Variants in SYT1 observed in about 807,000 individuals in gnomAD.
The protein encoded by SYT1 is synaptotagmin 1.
SYT1 carries 8 observed loss-of-function variants against 44.8 expected under a neutral mutation model. The ratio of observed to expected loss-of-function variants is 0.18; its 90% CI spans 0.10 to 0.32. SYT1 has a LOEUF of 0.32. Ranked by LOEUF, SYT1 falls within the 10% of genes least tolerant of loss-of-function variation. SYT1 has a pLI of 1.00. For missense variants in SYT1, 286 were observed against 509.3 expected (o/e 0.56, Z 4.22); for synonymous variants, 154 against 188.8 (o/e 0.82, Z 1.51).
chr12:79,410,506 C>CAAAAAAAAA (rs5799432), intron 9 of SYT1, among the ~76,000 whole-genome samples: 27 of 75,914 alleles, frequency 3.6e-4, no homozygotes, highest in African/African-American at 4.5e-4. Flanking sequence ...TGTTCAAAGT[C>CAAAAAAAAA]AAAAAAAAAA....
chr12:79,205,536 ATACGTTTTTAGT>A lies in SYT1; in HGVS notation c.-17-11963_-17-11952del, dbSNP rs1874071743. Among the ~76,000 whole-genome samples the A allele has an allele frequency of 3.3e-5, 5 of 152,332 alleles. No homozygotes were observed. The South Asian group carries it at 1.0e-3, about 32-fold the overall frequency. On this transcript the variant is annotated intron_variant, in intron 3 of 10. Transcript: ENST00000261205. ...GTTAAACTTGTGAATTCATTAATGAATACGTTTTTAGTTACAATTCTGATGTACCATATTTTT... is the reference window on the plus strand; with the variant it reads ...GTTAAACTTGTGAATTCATTAATGAATACAATTCTGATGTACCATATTTTT...
At chr12:79,429,175 T>C (rs971498327) in intron 9 of SYT1, among the ~76,000 whole-genome samples, 12 of 152,132 alleles carry the variant, frequency 7.9e-5, no homozygotes, top group African/African-American at 2.9e-4. Context: ...GGGACAAATA[T>C]CCAAACTATA....
chr12:78,887,609 A>G (rs1874820918), intron 1 of SYT1, among the ~76,000 whole-genome samples: 1 of 151,970 alleles, frequency 6.6e-6, no homozygotes. Context: ...GAGCTGGAAC[A>G]TATCCCCTAC....
chr12:79,056,210 A>G (rs1592707784), intron 3 of SYT1, among the ~76,000 whole-genome samples: 2 of 152,084 alleles, frequency 1.3e-5, no homozygotes, highest in Non-Finnish European at 2.9e-5. Context: ...AACTGTATAT[A>G]GAAGTCTAGA....
chr12:79,028,548 AG>A (rs1399447527), intron 2 of SYT1, among the ~76,000 whole-genome samples: 1 of 151,334 alleles, frequency 6.6e-6, no homozygotes, highest in African/African-American at 2.4e-5. Flanking sequence ...CAGGGCACTT[AG>A]CACTATATAG....
At chr12:79,432,300 T>C (rs1434668644) in intron 9 of SYT1, among the ~76,000 whole-genome samples, 2 of 151,950 alleles carry the variant, frequency 1.3e-5, no homozygotes, top group African/African-American at 2.4e-5. Context: ...GCCATGTTGG[T>C]TTGCTGCACC....
At chr12:79,047,630 A>G (rs1420721854) in intron 3 of SYT1, among the ~76,000 whole-genome samples, 1 of 151,898 alleles carries the variant, frequency 6.6e-6, no homozygotes, top group Non-Finnish European at 1.5e-5. Flanking sequence ...CTAGCATAGT[A>G]TCATCTTAAA....
At chr12:79,378,949 A>C (rs1884110174) in intron 9 of SYT1, among the ~76,000 whole-genome samples, 1 of 152,208 alleles carries the variant, frequency 6.6e-6, no homozygotes, top group Admixed American at 6.5e-5. Flanking sequence ...GACTTCCAAA[A>C]TCGATAGAAA....
chr12:79,059,064 G>T (rs1008109287), intron 3 of SYT1, among the ~76,000 whole-genome samples: 30 of 152,052 alleles, frequency 2.0e-4, no homozygotes, highest in African/African-American at 7.0e-4. Flanking sequence ...TCACAATCAT[G>T]CCAGAAGGTG....
At chr12:79,125,345 A>T (rs530309636) in intron 3 of SYT1, among the ~76,000 whole-genome samples, 63 of 152,042 alleles carry the variant, frequency 4.1e-4, no homozygotes, top group Non-Finnish European at 7.6e-4. Flanking sequence ...GCGCAGTAGC[A>T]CGTGCCTATA....
intron 1 of SYT1, among the ~76,000 whole-genome samples, chr12:78,896,051 T>C (rs111606984): frequency 0.011 from 1,603 of 151,902 alleles, 27 homozygotes; most frequent in African/African-American, 0.037. Context: ...CTTGGATCAA[T>C]TTCTGGCATA....
At position 79,383,528 on chromosome 12, in the gene SYT1, T is replaced by G. The variant is rs891502464; in HGVS notation, c.928+29909T>G. Among the ~76,000 whole-genome samples, 3 of 149,404 alleles carry G rather than the reference T, an allele frequency of 2.0e-5. No homozygotes were observed. In the Admixed American group the frequency reaches 2.0e-4, roughly 10 times the overall value. On this transcript the variant is annotated intron_variant, in intron 9 of 10. Coordinates refer to ENST00000261205, the MANE Select transcript of SYT1 (RefSeq NM_005639.3). Reference sequence around the variant, plus strand: ...TATAGTTATTTAAATAAAAAGTGGGTTTTTTTCCTAAAAACAAAACAAAAG... The same window carrying G: ...TATAGTTATTTAAATAAAAAGTGGGGTTTTTTCCTAAAAACAAAACAAAAG...
At chr12:78,906,973 C>A (rs1196390157) in intron 1 of SYT1, among the ~76,000 whole-genome samples, 2 of 152,132 alleles carry the variant, frequency 1.3e-5, no homozygotes, top group East Asian at 1.9e-4. Context: ...ACTGCTATAA[C>A]TTTTGATGTA....
At chr12:79,250,359 T>C (rs1472678283) in intron 4 of SYT1, among the ~76,000 whole-genome samples, 1 of 152,226 alleles carries the variant, frequency 6.6e-6, no homozygotes, top group East Asian at 1.9e-4. Context: ...TTCCGGTATG[T>C]AAACATATTC....
chr12:79,165,207 C>A (rs555692488), intron 3 of SYT1, among the ~76,000 whole-genome samples: 3 of 151,830 alleles, frequency 2.0e-5, no homozygotes, highest in Non-Finnish European at 2.9e-5. Flanking sequence ...TCTTTAGAAA[C>A]AATTTTTAAC....
At chr12:79,024,817 C>A (rs75538018) in intron 2 of SYT1, among the ~76,000 whole-genome samples, 11,207 of 151,732 alleles carry the variant, frequency 0.074, 515 homozygotes, top group East Asian at 0.15. Flanking sequence ...TGGAGAATAA[C>A]GCTAAATAAA....
intron 2 of SYT1, among the ~76,000 whole-genome samples, chr12:79,002,895 A>C (rs1391001941): frequency 6.6e-6 from 1 of 152,086 alleles, no homozygotes; most frequent in African/African-American, 2.4e-5. Flanking sequence ...TCCTTTTAAA[A>C]TGAGTACAAG....
intron 1 of SYT1, among the ~76,000 whole-genome samples, chr12:78,965,950 G>A (rs1400051662): frequency 6.6e-6 from 1 of 151,672 alleles, no homozygotes; most frequent in East Asian, 1.9e-4. Context: ...GGTGGCAGGC[G>A]CCTGTAATCT....
intron 1 of SYT1, among the ~76,000 whole-genome samples, chr12:78,891,823 G>C (rs559355857): frequency 1.3e-5 from 2 of 151,890 alleles, no homozygotes; most frequent in East Asian, 2.0e-4. Context: ...GCTAAGTAAT[G>C]GGTGGCAAAA....
Sources: gnomAD v4.1 joint callset for allele counts (sites outside exome capture counted in the v4.1 genomes callset) on GRCh38, gnomAD v4.1.1 for gene constraint, MANE v1.5 for transcripts, NCBI Gene and HGNC (gene_info 2026-07-23, HGNC 2026-07-21) for gene names.